Variants in TMEM132D observed in about 807,000 individuals in gnomAD.
TMEM132D encodes transmembrane protein 132D.
A neutral mutation model predicts 62.3 loss-of-function variants in TMEM132D; 21 were observed. The observed-to-expected ratio is 0.34, with a 90% CI of 0.24 to 0.49. TMEM132D has a LOEUF of 0.49. Among genes scored for constraint, TMEM132D ranks in the 20% least tolerant of loss-of-function variants. The pLI is 0.99. For synonymous variants in TMEM132D, 621 were observed against 575.6 expected (o/e 1.08, Z -1.13); for missense variants, 1,346 against 1,402.8 (o/e 0.96, Z 0.65).
intron 2 of TMEM132D, among the ~76,000 whole-genome samples, chr12:129,648,614 T>TA (rs113434615): frequency 2.6e-5 from 4 of 152,308 alleles, no homozygotes; most frequent in African/African-American, 9.6e-5. Context: ...GCCCGTGCAT[T>TA]AAAAAATATT....
intron 4 of TMEM132D, among the ~76,000 whole-genome samples, chr12:129,263,359 A>G (rs2135596465): frequency 6.6e-6 from 1 of 152,314 alleles, no homozygotes; most frequent in African/African-American, 2.4e-5. Context: ...ACAATGTTCT[A>G]AGTGCCTAGC....
intron 4 of TMEM132D, among the ~76,000 whole-genome samples, chr12:129,255,738 T>C (rs1880383051): frequency 6.6e-6 from 1 of 152,164 alleles, no homozygotes; most frequent in African/African-American, 2.4e-5. Context: ...CTCTTGATAG[T>C]AAAACAGCTA....
chr12:129,424,528 G>A (rs574298875), intron 3 of TMEM132D, among the ~76,000 whole-genome samples: 1 of 151,866 alleles, frequency 6.6e-6, no homozygotes, highest in East Asian at 1.9e-4. Context: ...GTGAAACCCC[G>A]TCTCTACTCT....
At chr12:129,449,530 T>C (rs1368833039) in intron 3 of TMEM132D, among the ~76,000 whole-genome samples, 1 of 152,182 alleles carries the variant, frequency 6.6e-6, no homozygotes. Context: ...GTTCTCTCCT[T>C]GGTCAGGCTA....
At chr12:129,086,396 C>T (rs997506892) in intron 5 of TMEM132D, among the ~76,000 whole-genome samples, 1 of 152,086 alleles carries the variant, frequency 6.6e-6, no homozygotes, top group Non-Finnish European at 1.5e-5. Context: ...TCAACCTCCC[C>T]CTAACCTCCA....
intron 1 of TMEM132D, among the ~76,000 whole-genome samples, chr12:129,716,282 C>T (rs990618794): frequency 2.0e-5 from 3 of 152,082 alleles, no homozygotes; most frequent in Admixed American, 6.6e-5. Flanking sequence ...AGGGAGTCCC[C>T]GATGATGGAT....
At chr12:129,138,734 G>A (rs1300592803) in intron 5 of TMEM132D, among the ~76,000 whole-genome samples, 1 of 152,120 alleles carries the variant, frequency 6.6e-6, no homozygotes, top group African/African-American at 2.4e-5. Flanking sequence ...AAGAAAGCTG[G>A]CTAGAACTTT....
intron 3 of TMEM132D, among the ~76,000 whole-genome samples, chr12:129,525,301 C>T (rs1405074572): frequency 8.4e-6 from 1 of 119,192 alleles, no homozygotes; most frequent in Non-Finnish European, 1.6e-5. Flanking sequence ...CTGAAAACAA[C>T]ATCTTGGTCT....
At chr12:129,520,109 C>A (rs569507025) in intron 3 of TMEM132D, among the ~76,000 whole-genome samples, 66 of 152,208 alleles carry the variant, frequency 4.3e-4, no homozygotes, top group African/African-American at 1.4e-3. Flanking sequence ...AGACAGTGTT[C>A]AGTGAGGCCG....
intron 1 of TMEM132D, among the ~76,000 whole-genome samples, chr12:129,806,755 G>A (rs1358915424): frequency 6.6e-6 from 1 of 152,144 alleles, no homozygotes; most frequent in African/African-American, 2.4e-5. Context: ...GCCAGGCACG[G>A]TGGTTCAGGC....
chr12:129,084,980 C>A, intron 5 of TMEM132D: 1 of 525,866 alleles, frequency 1.9e-6, no homozygotes, highest in South Asian at 3.0e-5. Flanking sequence ...GCGTGTGTTG[C>A]CGACAGCTCC....
rs368101585 is a variant in TMEM132D at position 129,753,459 on chromosome 12, G to A, written c.80-52761C>T. On this transcript the variant is annotated intron_variant, in intron 1 of 8. Coordinates refer to ENST00000422113, the MANE Select transcript of TMEM132D (RefSeq NM_133448.3). Reference sequence around the variant, plus strand: ...ATTGTTTTGTACGAGTCTTCCTAACGTTCTCCAAATCACAAAAAGATTCCA... The same window carrying A: ...ATTGTTTTGTACGAGTCTTCCTAACATTCTCCAAATCACAAAAAGATTCCA... Among the ~76,000 whole-genome samples the A allele has an allele frequency of 1.2e-4, 18 of 152,222 alleles. No individual in the cohort carries two copies. In the South Asian group the frequency reaches 1.5e-3, roughly 12 times the overall value.
At chr12:129,460,437 C>T (rs1452111656) in intron 3 of TMEM132D, among the ~76,000 whole-genome samples, 2 of 152,028 alleles carry the variant, frequency 1.3e-5, no homozygotes, top group African/African-American at 2.4e-5. Flanking sequence ...CTCAGGCTGC[C>T]GGGATCTGAG....
At chr12:129,299,420 CTTTTTTTT>C (rs34775349) in intron 4 of TMEM132D, among the ~76,000 whole-genome samples, 4 of 127,678 alleles carry the variant, frequency 3.1e-5, no homozygotes, top group Non-Finnish European at 6.5e-5. Flanking sequence ...CATAGTTGAA[CTTTTTTTT>C]TTTTTTTTTT....
chr12:129,801,855 A>G (rs1871798826), intron 1 of TMEM132D, among the ~76,000 whole-genome samples: 1 of 150,972 alleles, frequency 6.6e-6, no homozygotes, highest in African/African-American at 2.5e-5. Context: ...GAGCTGATGG[A>G]GCTGAAAACC....
intron 5 of TMEM132D, among the ~76,000 whole-genome samples, chr12:129,108,572 G>T (rs1875578219): frequency 1.3e-5 from 2 of 152,118 alleles, no homozygotes; most frequent in African/African-American, 4.8e-5. Context: ...GGCTGGCTCA[G>T]GTGCCAGGGA....
intron 3 of TMEM132D, among the ~76,000 whole-genome samples, chr12:129,471,924 T>A (rs1249521616): frequency 6.6e-6 from 1 of 152,228 alleles, no homozygotes; most frequent in Non-Finnish European, 1.5e-5. Context: ...GTTCTGTGAA[T>A]CTTAGAGAGG....
At chr12:129,684,070 C>A (rs1880848587) in intron 2 of TMEM132D, among the ~76,000 whole-genome samples, 1 of 152,158 alleles carries the variant, frequency 6.6e-6, no homozygotes, top group African/African-American at 2.4e-5. Context: ...CCATGAAGAA[C>A]TTTAGTTGCA....
chr12:129,860,107 G>A (rs1442605326), intron 1 of TMEM132D, among the ~76,000 whole-genome samples: 1 of 152,190 alleles, frequency 6.6e-6, no homozygotes, highest in Admixed American at 6.5e-5. Flanking sequence ...CCTTGGCATT[G>A]AGAAGCAGCT....
Sources: allele counts gnomAD v4.1 joint callset (sites outside exome capture counted in the v4.1 genomes callset), GRCh38; gene constraint gnomAD v4.1.1; transcripts MANE v1.5; gene names NCBI Gene and HGNC (gene_info 2026-07-23, HGNC 2026-07-21).